Variants in HTR7 observed in about 807,000 individuals in gnomAD.
HTR7 encodes 5-hydroxytryptamine receptor 7.
In HTR7, 16 loss-of-function variants were observed where a neutral mutation model predicts 34.0. The observed-to-expected ratio is 0.47, with a 90% confidence interval of 0.32 to 0.71. HTR7 has a LOEUF of 0.71. Among genes scored for constraint, HTR7 ranks in the 30% least tolerant of loss-of-function variants. The pLI, the probability that HTR7 is intolerant of heterozygous loss-of-function variation, is 0.04. For missense variants in HTR7, 504 were observed against 625.5 expected, an observed-to-expected ratio of 0.81 and a Z score of 2.07; for synonymous variants, 265 against 260.2, an observed-to-expected ratio of 1.02 and a Z score of -0.18.
intron 1 of HTR7, among the ~76,000 whole-genome samples, chr10:90,797,580 C>A (rs1343908144): frequency 6.6e-6 from 1 of 152,166 alleles, no homozygotes; most frequent in Non-Finnish European, 1.5e-5. Context: ...GTTTACAAGA[C>A]AATACTAAAG....
intron 1 of HTR7, among the ~76,000 whole-genome samples, chr10:90,843,211 G>C (rs2153779): frequency 2.1e-5 from 3 of 144,940 alleles, no homozygotes; most frequent in Admixed American, 7.2e-5. Context: ...CCTTCCTTCC[G>C]CAGTCAATCC....
intron 1 of HTR7, among the ~76,000 whole-genome samples, chr10:90,802,671 T>C (rs1469106061): frequency 3.3e-5 from 5 of 152,250 alleles, no homozygotes; most frequent in Admixed American, 3.3e-4. Context: ...GAGCAAAATC[T>C]GACCTAAAAC....
intron 1 of HTR7, among the ~76,000 whole-genome samples, chr10:90,794,824 C>T (rs1433682411): frequency 6.6e-6 from 1 of 152,178 alleles, no homozygotes; most frequent in Non-Finnish European, 1.5e-5. Flanking sequence ...ATGTGTTATA[C>T]TTTTACACAA....
intron 1 of HTR7, among the ~76,000 whole-genome samples, chr10:90,827,426 T>C (rs1846095653): frequency 6.6e-6 from 1 of 151,900 alleles, no homozygotes; most frequent in Non-Finnish European, 1.5e-5. Context: ...AAAGACAAAG[T>C]GGCTGAATGG....
At chr10:90,787,415 G>T (rs1193895393) in intron 1 of HTR7, among the ~76,000 whole-genome samples, 1 of 152,078 alleles carries the variant, frequency 6.6e-6, no homozygotes, top group Non-Finnish European at 1.5e-5. Flanking sequence ...TTGAACCCAG[G>T]AGGCAGAGGT....
intron 1 of HTR7, among the ~76,000 whole-genome samples, chr10:90,796,704 C>T (rs1044517393): frequency 6.6e-6 from 1 of 152,034 alleles, no homozygotes; most frequent in African/African-American, 2.4e-5. Context: ...ACAGCAAGAC[C>T]CTGTCTCTAA....
At chr10:90,743,897 AC>A in intron 2 of HTR7, 1 of 690,800 alleles carries the variant, frequency 1.4e-6, no homozygotes, top group Non-Finnish European at 2.7e-6. Context: ...TCACTTCATT[AC>A]CCCAGGGAAA....
chr10:90,819,345 A>T (rs1845943243), intron 1 of HTR7, among the ~76,000 whole-genome samples: 4 of 151,958 alleles, frequency 2.6e-5, no homozygotes, highest in Non-Finnish European at 5.9e-5. Context: ...TTAAAAATAT[A>T]TATAAATATA....
intron 1 of HTR7, among the ~76,000 whole-genome samples, chr10:90,842,760 A>G (rs1035124748): frequency 1.3e-5 from 2 of 151,340 alleles, no homozygotes; most frequent in African/African-American, 4.9e-5. Context: ...AATTTTGCCT[A>G]TGTTCTCACA....
intron 1 of HTR7, among the ~76,000 whole-genome samples, chr10:90,760,435 G>A (rs535076212): frequency 6.6e-6 from 1 of 152,312 alleles, no homozygotes; most frequent in Admixed American, 6.5e-5. Context: ...CTATAGCATT[G>A]TAGGATGACT....
intron 1 of HTR7, among the ~76,000 whole-genome samples, chr10:90,851,604 CAAAAAAAAAA>C (rs34310653): frequency 4.0e-4 from 28 of 69,184 alleles, no homozygotes; most frequent in African/African-American, 1.4e-3. Flanking sequence ...GACTCCGTCC[CAAAAAAAAAA>C]AAAAAAAAAA....
At chr10:90,820,673 A>G (rs1395666804) in intron 1 of HTR7, among the ~76,000 whole-genome samples, 1 of 152,234 alleles carries the variant, frequency 6.6e-6, no homozygotes, top group Non-Finnish European at 1.5e-5. Flanking sequence ...GGACAATTGT[A>G]ACATCCTAGC....
At chr10:90,818,423 G>C (rs1395564672) in intron 1 of HTR7, among the ~76,000 whole-genome samples, 1 of 152,120 alleles carries the variant, frequency 6.6e-6, no homozygotes, top group Non-Finnish European at 1.5e-5. Context: ...GTGCACACCT[G>C]TAATGCCAGC....
intron 1 of HTR7, among the ~76,000 whole-genome samples, chr10:90,835,514 C>T (rs1218963822): frequency 6.6e-6 from 1 of 152,172 alleles, no homozygotes; most frequent in African/African-American, 2.4e-5. Flanking sequence ...TATTCCTCTG[C>T]CTACCTGTTT....
chr10:90,758,047 G>A (rs1231305190), intron 1 of HTR7, among the ~76,000 whole-genome samples: 2 of 152,046 alleles, frequency 1.3e-5, no homozygotes, highest in Non-Finnish European at 2.9e-5. Flanking sequence ...GCTGAGAATA[G>A]AAACAGACAG....
At chr10:90,797,366 ATC>A (rs1179126485) in intron 1 of HTR7, among the ~76,000 whole-genome samples, 4 of 152,212 alleles carry the variant, frequency 2.6e-5, no homozygotes, top group African/African-American at 9.6e-5. Flanking sequence ...TGAGCAACTC[ATC>A]TCCCTTTTCT....
At chr10:90,777,264 CGAGGT>C in intron 1 of HTR7, among the ~76,000 whole-genome samples, 1 of 151,900 alleles carries the variant, frequency 6.6e-6, no homozygotes, top group Non-Finnish European at 1.5e-5. Context: ...GGGTGGATCA[CGAGGT>C]CAGGGGTTTG....
chr10:90,820,210 AG>A (rs1845957097), intron 1 of HTR7, among the ~76,000 whole-genome samples: 1 of 152,190 alleles, frequency 6.6e-6, no homozygotes, highest in Non-Finnish European at 1.5e-5. Context: ...CAGGCTGAAA[AG>A]AGATAAACTG....
At chr10:90,756,775 C>A (rs975377511) in intron 1 of HTR7, among the ~76,000 whole-genome samples, 6 of 151,950 alleles carry the variant, frequency 3.9e-5, no homozygotes, top group African/African-American at 9.7e-5. Flanking sequence ...TATTTGTTAA[C>A]TGTTGCTACA....
Sources: allele counts gnomAD v4.1 joint callset (sites outside exome capture counted in the v4.1 genomes callset), GRCh38; gene constraint gnomAD v4.1.1; transcripts MANE v1.5; gene names NCBI Gene and HGNC (gene_info 2026-07-23, HGNC 2026-07-21).